Variants in HMGCLL1 observed in about 807,000 individuals in gnomAD.
HMGCLL1 encodes the protein 3-hydroxy-3-methylglutaryl-CoA lyase like 1.
In HMGCLL1, 36 loss-of-function variants were observed where a neutral mutation model predicts 39.1. That is an observed-to-expected ratio of 0.92 (90% CI 0.71 to 1.22). The LOEUF (loss-of-function observed/expected upper bound fraction) is 1.22. Ranked by LOEUF, HMGCLL1 falls within the 50% of genes most tolerant of loss-of-function variation. The pLI is 0.00. For missense variants in HMGCLL1, 451 were observed against 416.5 expected (o/e 1.08, Z -0.72); for synonymous variants, 149 against 144.0 (o/e 1.03, Z -0.25).
At chr6:55,610,509 A>T in the HMGCLL1 span, among the ~76,000 whole-genome samples, 4 of 152,110 alleles carry the variant, frequency 2.6e-5, no homozygotes, top group African/African-American at 9.7e-5. Flanking sequence ...GGAATGAACA[A>T]AGCCTTTGAG....
At chr6:55,558,560 G>A (rs985585917) in intron 1 of HMGCLL1, among the ~76,000 whole-genome samples, 44 of 151,862 alleles carry the variant, frequency 2.9e-4, no homozygotes, top group African/African-American at 9.7e-4. Flanking sequence ...AGCTTTCACC[G>A]TGACAGAACA....
intron 8 of HMGCLL1, among the ~76,000 whole-genome samples, chr6:55,436,933 C>A (rs1287955132): frequency 3.3e-5 from 5 of 151,934 alleles, no homozygotes; most frequent in Admixed American, 2.6e-4. Flanking sequence ...AACGGCTTTA[C>A]GTGGAGTATC....
At chr6:55,497,699 C>A (rs1766650575) in intron 6 of HMGCLL1, among the ~76,000 whole-genome samples, 1 of 152,126 alleles carries the variant, frequency 6.6e-6, no homozygotes, top group Non-Finnish European at 1.5e-5. Flanking sequence ...TATGTGACAA[C>A]TTGAAATAAA....
the HMGCLL1 span, among the ~76,000 whole-genome samples, chr6:55,620,620 G>T: frequency 6.7e-6 from 1 of 148,232 alleles, no homozygotes. Flanking sequence ...TGTGCTTTTG[G>T]GGTGTTACAC....
chr6:55,466,936 A>C (rs1325645843), intron 7 of HMGCLL1, among the ~76,000 whole-genome samples: 2 of 152,074 alleles, frequency 1.3e-5, no homozygotes, highest in Non-Finnish European at 2.9e-5. Context: ...AAGTTTTGGC[A>C]TCAGAATGTG....
At chr6:55,451,606 G>C (rs866096377) in intron 7 of HMGCLL1, among the ~76,000 whole-genome samples, 6 of 152,114 alleles carry the variant, frequency 3.9e-5, no homozygotes, top group Admixed American at 1.3e-4. Context: ...TAGGTGGTCA[G>C]TTATAGGCAG....
chr6:55,579,891 C>G (rs926119492), upstream of HMGCLL1, among the ~76,000 whole-genome samples: 1 of 152,116 alleles, frequency 6.6e-6, no homozygotes, highest in Non-Finnish European at 1.5e-5. Context: ...AAATAGCCTT[C>G]GAGCAGACCA....
At chr6:55,622,099 G>A in the HMGCLL1 span, among the ~76,000 whole-genome samples, 1 of 151,988 alleles carries the variant, frequency 6.6e-6, no homozygotes, top group Admixed American at 6.6e-5. Context: ...ATATAGAAAT[G>A]CTACTGATTT....
chr6:55,471,130 T>C (rs1765026812), intron 7 of HMGCLL1, among the ~76,000 whole-genome samples: 1 of 151,824 alleles, frequency 6.6e-6, no homozygotes, highest in Admixed American at 6.6e-5. Flanking sequence ...AATGTTATAA[T>C]ATGATTGGTA....
intron 1 of HMGCLL1, among the ~76,000 whole-genome samples, chr6:55,542,814 T>A (rs1245167637): frequency 7.7e-6 from 1 of 129,634 alleles, no homozygotes; most frequent in Non-Finnish European, 1.7e-5. Flanking sequence ...ATATATATAT[T>A]ACATATATAT....
the HMGCLL1 span, among the ~76,000 whole-genome samples, chr6:55,591,667 C>G: frequency 6.9e-6 from 1 of 145,036 alleles, no homozygotes; most frequent in East Asian, 2.1e-4. Flanking sequence ...TGAAGTTTTA[C>G]TCTACCACTT....
At chr6:55,445,394 T>C (rs1452228058) in intron 7 of HMGCLL1, among the ~76,000 whole-genome samples, 1 of 152,048 alleles carries the variant, frequency 6.6e-6, no homozygotes, top group Non-Finnish European at 1.5e-5. Flanking sequence ...TTTAATATGA[T>C]GTAAACAAGC....
intron 3 of HMGCLL1, among the ~76,000 whole-genome samples, chr6:55,525,690 A>T (rs79992214): frequency 0.014 from 2,203 of 151,988 alleles, 33 homozygotes; most frequent in Non-Finnish European, 0.025. Flanking sequence ...ACGACTTTTA[A>T]AATGCTTATT....
chr6:55,483,094 C>A (rs1055771508), intron 7 of HMGCLL1, among the ~76,000 whole-genome samples: 1 of 151,870 alleles, frequency 6.6e-6, no homozygotes, highest in African/African-American at 2.4e-5. Flanking sequence ...CAAATAATAA[C>A]CTGAATAAAT....
chr6:55,514,204 A>G lies in HMGCLL1; in HGVS notation c.394-8T>C. On this transcript the variant is annotated splice_region_variant and splice_polypyrimidine_tract_variant and intron_variant, in intron 4 of 8. Coordinates refer to ENST00000274901, the MANE Select transcript of HMGCLL1 (RefSeq NM_001042406.2). The stretch of plus-strand genomic sequence containing the variant: ...AGTAGCTCCAGCAGCAACCTGAAAA[A>G]TATATAATTTAAAGCCAAATCTAAT... The G allele has an allele frequency of 1.9e-6, 3 of 1,592,764 alleles. No individual in the cohort carries two copies. The highest frequency in any genetic ancestry group is 2.3e-5 in the South Asian group (2 of 86,508).
At chr6:55,513,931 A>G in intron 5 of HMGCLL1, 117 bp downstream of exon 5, 1 of 887,430 alleles carries the variant, frequency 1.1e-6, no homozygotes, top group East Asian at 2.7e-5. Flanking sequence ...TAAACAAAAT[A>G]GAAATATGAT....
At chr6:55,622,238 C>T in the HMGCLL1 span, among the ~76,000 whole-genome samples, 6 of 152,004 alleles carry the variant, frequency 3.9e-5, no homozygotes, top group African/African-American at 1.4e-4. Context: ...TGAAGTCTTC[C>T]TTTCCAATTT....
upstream of HMGCLL1, among the ~76,000 whole-genome samples, chr6:55,582,372 C>T (rs539432407): frequency 1.3e-4 from 20 of 152,108 alleles, no homozygotes; most frequent in South Asian, 2.1e-4. Flanking sequence ...GGTGATTTTG[C>T]ACTCAACAAT....
At chr6:55,490,185 T>A (rs1196757247) in intron 7 of HMGCLL1, among the ~76,000 whole-genome samples, 1 of 152,100 alleles carries the variant, frequency 6.6e-6, no homozygotes, top group East Asian at 1.9e-4. Context: ...GTTCTACCTA[T>A]CAGATACGTG....
Sources: gnomAD v4.1 joint callset for allele counts (sites outside exome capture counted in the v4.1 genomes callset) on GRCh38, gnomAD v4.1.1 for gene constraint, MANE v1.5 for transcripts, NCBI Gene and HGNC (gene_info 2026-07-23, HGNC 2026-07-21) for gene names.